ZNF385D: variants seen among roughly 807,000 people sequenced by gnomAD.
The protein encoded by ZNF385D is zinc finger protein 659.
A neutral mutation model predicts 35.8 loss-of-function variants in ZNF385D; 15 were observed. That is an observed-to-expected ratio of 0.42 (90% CI 0.28 to 0.64). The LOEUF (loss-of-function observed/expected upper bound fraction) is 0.64. ZNF385D is among the 30% of genes least tolerant of loss of function. The pLI is 0.23. For missense variants in ZNF385D, 474 were observed against 494.6 expected, an observed-to-expected ratio of 0.96 and a Z score of 0.39; for synonymous variants, 212 against 186.8, an observed-to-expected ratio of 1.13 and a Z score of -1.10.
intron 3 of ZNF385D, among the ~76,000 whole-genome samples, chr3:21,938,157 G>A (rs1427120190): frequency 6.6e-6 from 1 of 152,148 alleles, no homozygotes; most frequent in African/African-American, 2.4e-5. Context: ...ACCAAACTAG[G>A]ATTTGTAAAT....
chr3:22,317,288 A>C (rs1358352905), intron 2 of ZNF385D, among the ~76,000 whole-genome samples: 2 of 148,862 alleles, frequency 1.3e-5, no homozygotes, highest in Non-Finnish European at 3.0e-5. Flanking sequence ...TCCAAAAAAA[A>C]AAAAAAAAAA....
intron 3 of ZNF385D, among the ~76,000 whole-genome samples, chr3:21,788,920 T>C (rs1220637032): frequency 6.6e-6 from 1 of 152,078 alleles, no homozygotes; most frequent in Admixed American, 6.5e-5. Context: ...CTGGTCTGGA[T>C]TAGGGCAGGA....
intron 3 of ZNF385D, among the ~76,000 whole-genome samples, chr3:21,775,206 A>G (rs1037621187): frequency 7.2e-5 from 11 of 151,852 alleles, no homozygotes; most frequent in African/African-American, 2.7e-4. Context: ...GGCTTTGAGT[A>G]TCTTTTGCTT....
intron 3 of ZNF385D, among the ~76,000 whole-genome samples, chr3:21,861,805 C>A (rs1050283362): frequency 4.6e-5 from 7 of 152,110 alleles, no homozygotes; most frequent in Admixed American, 2.0e-4. Flanking sequence ...CACTCAGTGT[C>A]TTTGGTTGAA....
chr3:21,874,351 G>T (rs1697852667), intron 3 of ZNF385D, among the ~76,000 whole-genome samples: 1 of 151,816 alleles, frequency 6.6e-6, no homozygotes, highest in Admixed American at 6.6e-5. Context: ...CAGGTTATTT[G>T]TTTTGAATTT....
At chr3:21,878,370 T>C (rs1489488702) in intron 3 of ZNF385D, among the ~76,000 whole-genome samples, 1 of 152,024 alleles carries the variant, frequency 6.6e-6, no homozygotes, top group Non-Finnish European at 1.5e-5. Context: ...GCAAGCCTGT[T>C]TCATAAGGAA....
At chr3:21,808,351 C>G (rs2072749160) in intron 3 of ZNF385D, among the ~76,000 whole-genome samples, 1 of 152,188 alleles carries the variant, frequency 6.6e-6, no homozygotes, top group Admixed American at 6.5e-5. Flanking sequence ...ACCTTCCCTC[C>G]TCCAGGAAAA....
chr3:22,010,099 T>C (rs1009295613), intron 3 of ZNF385D, among the ~76,000 whole-genome samples: 6 of 151,952 alleles, frequency 3.9e-5, no homozygotes, highest in African/African-American at 1.5e-4. Flanking sequence ...AAGTAGCCTA[T>C]TAAAGGAAGA....
At chr3:22,011,348 C>T (rs1314724044) in intron 3 of ZNF385D, among the ~76,000 whole-genome samples, 1 of 152,050 alleles carries the variant, frequency 6.6e-6, no homozygotes, top group Non-Finnish European at 1.5e-5. Flanking sequence ...AGAGCTTTAT[C>T]TCTGCTTCAA....
At chr3:21,680,260 G>A (rs2066857365) in intron 1 of ZNF385D, among the ~76,000 whole-genome samples, 1 of 151,990 alleles carries the variant, frequency 6.6e-6, no homozygotes, top group Non-Finnish European at 1.5e-5. Context: ...AATACACTGG[G>A]TAAATTTCAA....
At chr3:21,727,034 T>G (rs2068794361) in intron 1 of ZNF385D, among the ~76,000 whole-genome samples, 1 of 152,202 alleles carries the variant, frequency 6.6e-6, no homozygotes, top group South Asian at 2.1e-4. Flanking sequence ...TACAGCCATC[T>G]GATCTTTGAC....
At chr3:21,801,978 A>T (rs946542387) in intron 3 of ZNF385D, among the ~76,000 whole-genome samples, 3 of 152,182 alleles carry the variant, frequency 2.0e-5, no homozygotes, top group African/African-American at 4.8e-5. Context: ...AACATAAACA[A>T]TTCATAAATG....
intron 1 of ZNF385D, among the ~76,000 whole-genome samples, chr3:21,712,635 G>C (rs1332064445): frequency 6.6e-6 from 1 of 152,166 alleles, no homozygotes; most frequent in African/African-American, 2.4e-5. Flanking sequence ...TTTCTAATGT[G>C]GAAGTTTCAT....
rs145975174 is a variant in ZNF385D, at chr3:22,217,318, G to A, written c.107-48283C>T. 1.8e-3 allele frequency among the ~76,000 whole-genome samples: 272 copies of A among 152,100 alleles called. 1 individual carries two copies. The highest frequency in any genetic ancestry group is 5.2e-3 in the African/African-American group (216 of 41,496). ...CCCTGACATGGGTGCCCCATCATGC[G>A]ACCCTCTGTGGTGTGCCCTGCCTTC... On this transcript the variant is annotated intron_variant, in intron 2 of 5. Transcript: ENST00000494108.
chr3:22,090,751 T>C (rs1701287930), intron 3 of ZNF385D, among the ~76,000 whole-genome samples: 1 of 152,122 alleles, frequency 6.6e-6, no homozygotes, highest in African/African-American at 2.4e-5. Context: ...TTGAACCAAA[T>C]GAAATTGACA....
intron 4 of ZNF385D, among the ~76,000 whole-genome samples, chr3:21,444,704 C>G (rs1235229991): frequency 6.6e-6 from 1 of 152,064 alleles, no homozygotes; most frequent in East Asian, 1.9e-4. Context: ...CCTATTGATG[C>G]CAAAGATCAA....
At chr3:21,484,919 A>G (rs552217512) in intron 4 of ZNF385D, among the ~76,000 whole-genome samples, 1 of 152,238 alleles carries the variant, frequency 6.6e-6, no homozygotes, top group South Asian at 2.1e-4. Context: ...TAGGAGGCAA[A>G]CAAAACAAAA....
chr3:22,356,980 A>C (rs1402395708), intron 2 of ZNF385D, among the ~76,000 whole-genome samples: 1 of 151,928 alleles, frequency 6.6e-6, no homozygotes, highest in Non-Finnish European at 1.5e-5. Flanking sequence ...TATAGGAAAC[A>C]AGATAGCAAG....
chr3:21,882,765 A>C (rs1698344547), intron 3 of ZNF385D, among the ~76,000 whole-genome samples: 5 of 152,032 alleles, frequency 3.3e-5, no homozygotes, highest in Admixed American at 2.6e-4. Context: ...TCATTAGACC[A>C]TGTACATGAG....
Sources: allele counts gnomAD v4.1 joint callset (sites outside exome capture counted in the v4.1 genomes callset), GRCh38; gene constraint gnomAD v4.1.1; transcripts MANE v1.5; gene names NCBI Gene and HGNC (gene_info 2026-07-23, HGNC 2026-07-21).